FER: variants seen among roughly 807,000 people sequenced by gnomAD.
FER encodes FER tyrosine kinase, also known as tyrosine-protein kinase Fer.
Under a neutral mutation model 111.0 loss-of-function variants are expected in FER, and 63 were observed. That is an observed-to-expected ratio of 0.57 (90% confidence interval 0.46 to 0.70). The LOEUF (loss-of-function observed/expected upper bound fraction) is 0.70. Ranked by LOEUF, FER falls within the 30% of genes least tolerant of loss-of-function variation. The probability of loss-of-function intolerance (pLI) is 0.00; values close to 1 mark genes in which losing one functional copy is unlikely to be tolerated. For missense variants in FER, 914 were observed against 954.0 expected (o/e 0.96, Z 0.55); for synonymous variants, 327 against 313.9 (o/e 1.04, Z -0.44).
intron 3 of FER, among the ~76,000 whole-genome samples, chr5:108,812,134 A>ATT (rs1757828982): frequency 6.6e-6 from 1 of 152,208 alleles, no homozygotes; most frequent in African/African-American, 2.4e-5. Flanking sequence ...ATCTCCCACT[A>ATT]TAACTGTGAA....
At chr5:108,964,430 A>G (rs185811087) in intron 13 of FER, among the ~76,000 whole-genome samples, 341 of 152,304 alleles carry the variant, frequency 2.2e-3, no homozygotes, top group African/African-American at 7.7e-3. Context: ...GTACCAACCT[A>G]TCAGAACAGA....
At chr5:109,035,654 A>G (rs1161936593) in intron 13 of FER, among the ~76,000 whole-genome samples, 5 of 152,140 alleles carry the variant, frequency 3.3e-5, no homozygotes, top group African/African-American at 1.2e-4. Context: ...AATTCCTAGG[A>G]GAGCAATTTG....
chr5:108,845,782 CCTA>C (rs1323068927), intron 5 of FER, among the ~76,000 whole-genome samples: 2 of 152,116 alleles, frequency 1.3e-5, no homozygotes, highest in Non-Finnish European at 2.9e-5. Flanking sequence ...GACTTAAAAT[CCTA>C]CTGAAGTAAT....
intron 2 of FER, among the ~76,000 whole-genome samples, chr5:108,778,556 T>C (rs1753733966): frequency 6.6e-6 from 1 of 152,240 alleles, no homozygotes; most frequent in African/African-American, 2.4e-5. Flanking sequence ...CAATGTTGTT[T>C]TAATGTGCAT....
intron 5 of FER, among the ~76,000 whole-genome samples, chr5:108,867,050 A>G (rs555152099): frequency 9.2e-5 from 14 of 152,208 alleles, no homozygotes; most frequent in African/African-American, 2.4e-4. Context: ...TATTTCTTCA[A>G]CTTTCTCAAA....
intron 9 of FER, among the ~76,000 whole-genome samples, chr5:108,887,605 G>A (rs1489465146): frequency 6.6e-6 from 1 of 151,596 alleles, no homozygotes; most frequent in Non-Finnish European, 1.5e-5. Flanking sequence ...CACTAAATAT[G>A]CTAAATTAAA....
chr5:108,938,022 TCTCTCA>T (rs760983694), intron 10 of FER, among the ~76,000 whole-genome samples: 1,474 of 77,778 alleles, frequency 0.019, 25 homozygotes, highest in African/African-American at 0.07. Context: ...TCCCTATCTC[TCTCTCA>T]CACACACACA....
chr5:109,035,927 C>G (rs758403706), intron 13 of FER, among the ~76,000 whole-genome samples: 1 of 152,064 alleles, frequency 6.6e-6, no homozygotes, highest in Non-Finnish European at 1.5e-5. Context: ...TGTTAAGTGT[C>G]TCTGATGTTC....
intron 10 of FER, among the ~76,000 whole-genome samples, chr5:108,940,706 C>T (rs1273720202): frequency 6.6e-6 from 1 of 152,070 alleles, no homozygotes; most frequent in Non-Finnish European, 1.5e-5. Flanking sequence ...TCTACTCTTA[C>T]TCAAGTGTTT....
intron 13 of FER, among the ~76,000 whole-genome samples, chr5:109,026,078 A>T (rs1267110118): frequency 6.6e-6 from 1 of 152,194 alleles, no homozygotes; most frequent in Non-Finnish European, 1.5e-5. Flanking sequence ...TGTACAGAAA[A>T]TTATACAGCC....
chr5:108,986,605 C>A (rs1762604925), intron 13 of FER, among the ~76,000 whole-genome samples: 1 of 152,102 alleles, frequency 6.6e-6, no homozygotes, highest in African/African-American at 2.4e-5. Flanking sequence ...CTTGATCCAT[C>A]TTGAGTTGAT....
In FER at chr5:108,993,302, C is replaced by A. The variant is rs182097339; in HGVS notation, c.1656+33955C>A. Among the ~76,000 whole-genome samples the A allele has an allele frequency of 7.7e-3, 1,174 of 152,296 alleles. 16 individuals are homozygous for A. Among genetic ancestry groups the A allele is most frequent in the African/African-American group, 0.027 (1,109 of 41,572 alleles). ...CTGCAATCCCGGCACCTCGGGAGGC[C>A]GAGGCTGGCGGATCACTCGCGGTTA... On this transcript the variant is annotated intron_variant, in intron 13 of 19. Coordinates refer to ENST00000281092, the MANE Select transcript of FER (RefSeq NM_005246.4).
chr5:108,930,219 C>T (rs1354594951), intron 10 of FER, among the ~76,000 whole-genome samples: 2 of 151,116 alleles, frequency 1.3e-5, no homozygotes, highest in Admixed American at 6.6e-5. Flanking sequence ...GTTTTGTTGC[C>T]CAGGCTGGTC....
intron 10 of FER, among the ~76,000 whole-genome samples, chr5:108,939,118 C>G (rs1755909699): frequency 6.6e-6 from 1 of 151,874 alleles, no homozygotes; most frequent in Non-Finnish European, 1.5e-5. Flanking sequence ...TACTTTTGAG[C>G]AGTTGTTTTA....
rs574397753 is a variant in FER, at chr5:108,996,869, C to T, written c.1656+37522C>T. ...ACTTTGGGCAATATGGCCCTTTTCA[C>T]GATATTGATTCTTCTTATCCATGAG... On this transcript the variant is annotated intron_variant, in intron 13 of 19. Coordinates refer to ENST00000281092, the MANE Select transcript of FER (RefSeq NM_005246.4). 2.0e-3 allele frequency among the ~76,000 whole-genome samples: 298 copies of T among 152,222 alleles called. 2 individuals carry two copies. The highest frequency in any genetic ancestry group is 6.5e-3 in the African/African-American group (269 of 41,534).
intron 16 of FER, among the ~76,000 whole-genome samples, chr5:109,090,734 T>G (rs2150042587): frequency 6.6e-6 from 1 of 152,256 alleles, no homozygotes; most frequent in East Asian, 1.9e-4. Flanking sequence ...CAGCCTTGAT[T>G]AAGTATAGGA....
At chr5:108,861,490 G>A (rs1158434660) in intron 5 of FER, among the ~76,000 whole-genome samples, 1 of 152,074 alleles carries the variant, frequency 6.6e-6, no homozygotes, top group East Asian at 1.9e-4. Context: ...TTATGTGGAG[G>A]AGGAAAAATT....
At chr5:108,810,961 C>T (rs1336301019) in intron 3 of FER, among the ~76,000 whole-genome samples, 1 of 152,106 alleles carries the variant, frequency 6.6e-6, no homozygotes, top group African/African-American at 2.4e-5. Flanking sequence ...GCAGAGAGGG[C>T]CCTATTGCCC....
intron 9 of FER, among the ~76,000 whole-genome samples, chr5:108,887,666 G>A (rs182339341): frequency 6.6e-6 from 1 of 151,714 alleles, no homozygotes; most frequent in East Asian, 1.9e-4. Flanking sequence ...CTAAAATTTT[G>A]TATTGTATAA....
Sources: allele counts gnomAD v4.1 joint callset (sites outside exome capture counted in the v4.1 genomes callset), GRCh38; gene constraint gnomAD v4.1.1; transcripts MANE v1.5; gene names NCBI Gene and HGNC (gene_info 2026-07-23, HGNC 2026-07-21).